IGF2BP1: variants seen among roughly 807,000 people sequenced by gnomAD.
IGF2BP1 encodes insulin-like growth factor 2 mRNA-binding protein 1.
Under a neutral mutation model 74.9 loss-of-function variants are expected in IGF2BP1, and 11 were observed. The ratio of observed to expected loss-of-function variants is 0.15; its 90% CI spans 0.09 to 0.24. The LOEUF is 0.24. IGF2BP1 is among the 10% of genes least tolerant of loss of function. IGF2BP1 has a pLI of 1.00. For missense variants in IGF2BP1, 440 were observed against 757.4 expected (o/e 0.58, Z 4.92); for synonymous variants, 287 against 281.8 (o/e 1.02, Z -0.18).
rs1174653402 is a variant in IGF2BP1 at position 49,051,801 on chromosome 17, G to A, written c.*2357G>A. On this transcript the variant is annotated 3_prime_UTR_variant, in exon 15 of 15. Transcript: ENST00000290341. ...AAGGCCACCCTCTCGCCCTCAGAGA[G>A]GTCCACCTGGTTTGTCATTGCAATG... is the stretch of plus-strand genomic sequence containing the variant. The A allele has an allele frequency of 6.6e-6, 1 of 152,082 alleles. No homozygotes were observed. Among genetic ancestry groups the A allele is most frequent in the Non-Finnish European group, 1.5e-5 (1 of 68,032 alleles). 9.4% of individuals were successfully genotyped at this position (152,082 alleles called of 1,614,324 possible).
intron 2 of IGF2BP1, among the ~76,000 whole-genome samples, chr17:49,022,388 C>T (rs763747027): frequency 5.3e-5 from 8 of 152,200 alleles, no homozygotes; most frequent in Non-Finnish European, 8.8e-5. Flanking sequence ...AGGTTCTTCA[C>T]GGCCTCTGTG....
intron 2 of IGF2BP1, among the ~76,000 whole-genome samples, chr17:49,025,023 C>T (rs879292604): frequency 6.6e-6 from 1 of 152,094 alleles, no homozygotes; most frequent in Non-Finnish European, 1.5e-5. Flanking sequence ...GAAACCCTGT[C>T]TCTACTGAAA....
chr17:49,011,143 A>AC (rs1473559997), intron 2 of IGF2BP1, among the ~76,000 whole-genome samples: 1 of 92,468 alleles, frequency 1.1e-5, no homozygotes, highest in Non-Finnish European at 2.2e-5. Flanking sequence ...GTCTCAAAAA[A>AC]AAAAAAAAAA....
chr17:49,004,167 C>G (rs2041519504), intron 2 of IGF2BP1, among the ~76,000 whole-genome samples: 1 of 152,222 alleles, frequency 6.6e-6, no homozygotes, highest in Admixed American at 6.5e-5. Flanking sequence ...ATCCGCTGGC[C>G]TGGGTCTCCG....
intron 11 of IGF2BP1, among the ~76,000 whole-genome samples, chr17:49,044,457 C>T (rs973671003): frequency 1.3e-5 from 2 of 152,208 alleles, no homozygotes; most frequent in Admixed American, 6.5e-5. Context: ...CAGCCAAAGC[C>T]CTTCGCTCAC....
intron 2 of IGF2BP1, among the ~76,000 whole-genome samples, chr17:49,001,859 C>T (rs2041491687): frequency 6.6e-6 from 1 of 151,978 alleles, no homozygotes; most frequent in African/African-American, 2.4e-5. Flanking sequence ...AAAGGGGGTA[C>T]CATTTTAGTG....
intron 10 of IGF2BP1, 85 bp from the exon 11 acceptor site, chr17:49,043,882 C>T (rs1037789640): frequency 7.1e-6 from 11 of 1,555,724 alleles, no homozygotes; most frequent in Non-Finnish European, 7.8e-6. Flanking sequence ...ACTCCTTCCT[C>T]CTTGAGGATG....
intron 2 of IGF2BP1, among the ~76,000 whole-genome samples, chr17:49,020,990 T>C (rs1401579280): frequency 2.1e-5 from 3 of 143,372 alleles, no homozygotes; most frequent in African/African-American, 5.2e-5. Context: ...AAAAAAAAAA[T>C]TGGAGCCAGG....
intron 1 of IGF2BP1, among the ~76,000 whole-genome samples, chr17:48,998,709 T>C (rs2041441084): frequency 1.3e-5 from 2 of 150,632 alleles, no homozygotes; most frequent in African/African-American, 4.9e-5. Flanking sequence ...AAAAATAAAG[T>C]TTCATTCTGC....
chr17:49,008,374 G>T (rs1420262270), intron 2 of IGF2BP1, among the ~76,000 whole-genome samples: 2 of 152,120 alleles, frequency 1.3e-5, no homozygotes, highest in Non-Finnish European at 2.9e-5. Context: ...AAATCTAGCT[G>T]ACTGAGGTTA....
intron 14 of IGF2BP1, 38 bp downstream of exon 14, chr17:49,046,411 G>C: frequency 6.8e-7 from 1 of 1,461,524 alleles, no homozygotes; most frequent in Non-Finnish European, 9.6e-7. Context: ...AGGGCTGCAG[G>C]AGCCCAGGGA....
chr17:49,055,847 T>TG lies in IGF2BP1; in HGVS notation c.*6403_*6404insG, dbSNP rs1555604001. On this transcript the variant is annotated 3_prime_UTR_variant, in exon 15 of 15. Coordinates refer to ENST00000290341, the MANE Select transcript of IGF2BP1 (RefSeq NM_006546.4). The stretch of plus-strand genomic sequence containing the variant: ...TACTGCTTGGGACAGTTTTTTTTTT[T>TG]TTTTTTTTTTTAAATATGAGTGCTA... Among the ~76,000 whole-genome samples the TG allele has an allele frequency of 1.3e-5, 2 of 151,028 alleles. No homozygotes were observed. Among genetic ancestry groups the TG allele is most frequent in the Non-Finnish European group, 2.9e-5 (2 of 67,816 alleles).
chr17:49,019,919 T>C (rs1394779113), intron 2 of IGF2BP1, among the ~76,000 whole-genome samples: 3 of 52,986 alleles, frequency 5.7e-5, no homozygotes, highest in African/African-American at 3.9e-4. Flanking sequence ...TATATATATA[T>C]ATATATATAT....
Position 49,045,040 on chromosome 17 carries a change from C to A in IGF2BP1, c.1370C>A (p.Thr457Asn), listed in dbSNP as rs898125118. 2.5e-6 allele frequency: 4 copies of A among 1,614,060 alleles called. No individual in the cohort carries two copies. In the African/African-American group the frequency reaches 5.3e-5, roughly 22 times the overall value. Reference protein sequence around the residue: ...PDSKVRMVIITGPPEAQFKAQ... With the variant: ...PDSKVRMVIINGPPEAQFKAQ... ...TCCAAAGTTCGTATGGTTATCATCA[C>A]TGGACCGCCAGAGGCCCAATTCAAG... The change falls in exon 12 of 15, where the codon ACT becomes AAT. Residue 457 changes from threonine (T) to asparagine (N), a missense_variant. Around this residue, in one of 5 missense-constraint regions of IGF2BP1, gnomAD observed 117 missense variants for 237.2 expected, o/e 0.49. Coordinates refer to ENST00000290341, the MANE Select transcript of IGF2BP1 (RefSeq NM_006546.4).
chr17:49,034,751 AAAAAC>A (rs1567822922), intron 5 of IGF2BP1, among the ~76,000 whole-genome samples: 10 of 120,964 alleles, frequency 8.3e-5, no homozygotes, highest in African/African-American at 3.5e-4. Flanking sequence ...AAAACACAAA[AAAAAC>A]AAAAAAAACA....
intron 1 of IGF2BP1, 59 bp from the exon 2 acceptor site, chr17:48,999,050 C>G (rs920696753): frequency 9.4e-7 from 1 of 1,062,092 alleles, no homozygotes; most frequent in South Asian, 1.3e-5. Flanking sequence ...TCCCCTTCCT[C>G]TTCCCACCCC....
Position 49,042,317 on chromosome 17 carries a change from C to T in IGF2BP1, c.1017C>T (p.Ala339=), listed in dbSNP as rs1296602010. ...VKGAIENCCR[A]EQEIMKKVRE... is the part of the protein sequence containing the mutation. ...GGGCCATCGAGAATTGTTGCAGGGC[C>T]GAGCAGGAAATAATGAAGAAAGTTC... The change falls in exon 9 of 15, where the codon GCC becomes GCT. Residue 339 remains alanine (A), a synonymous_variant. Coordinates refer to ENST00000290341, the MANE Select transcript of IGF2BP1 (RefSeq NM_006546.4). The T allele has an allele frequency of 1.4e-5, 22 of 1,613,970 alleles. No homozygotes were observed. Among genetic ancestry groups the T allele is most frequent in the Middle Eastern group, 1.6e-4 (1 of 6,062 alleles).
intron 7 of IGF2BP1, among the ~76,000 whole-genome samples, chr17:49,040,767 C>T (rs2042043303): frequency 6.6e-6 from 1 of 152,200 alleles, no homozygotes; most frequent in Non-Finnish European, 1.5e-5. Context: ...CATAGAATTC[C>T]ACAGTATAGC....
rs2041675814 is a variant in IGF2BP1 at position 49,014,918 on chromosome 17, C to G, written c.237-10700C>G. 11 of 985,302 alleles carry G rather than the reference C, an allele frequency of 1.1e-5. No individual in the cohort carries two copies. In the South Asian group the frequency reaches 4.2e-4, roughly 38 times the overall value. The allele number at this position is 985,302 out of a possible 1,614,324, so 61.0% of individuals were successfully genotyped here. On this transcript the variant is annotated intron_variant, in intron 2 of 14. Transcript: ENST00000290341. ...TCCTGAGAGGGCCACCTCGGCTGTTCCCTCTGGAGGACAGAGCCCGACTCT... is the reference window on the plus strand; with the variant it reads ...TCCTGAGAGGGCCACCTCGGCTGTTGCCTCTGGAGGACAGAGCCCGACTCT...
Sources: allele counts gnomAD v4.1 joint callset (sites outside exome capture counted in the v4.1 genomes callset), GRCh38; gene constraint gnomAD v4.1.1; regional missense constraint gnomAD v4.1.1; transcripts MANE v1.5; gene names NCBI Gene and HGNC (gene_info 2026-07-23, HGNC 2026-07-21).